Variants in RNF14 observed in about 807,000 individuals in gnomAD.
RNF14 encodes the protein ring finger protein 14, also known as E3 ubiquitin-protein ligase RNF14.
In RNF14, 26 loss-of-function variants were observed where a neutral mutation model predicts 52.6. The observed-to-expected ratio is 0.49, with a 90% CI of 0.36 to 0.69. The LOEUF is 0.69. RNF14 is among the 30% of genes least tolerant of loss of function. The pLI is 0.00. For missense variants in RNF14, 404 were observed against 560.4 expected (o/e 0.72, Z 2.82); for synonymous variants, 194 against 202.0 (o/e 0.96, Z 0.34).
Position 141,983,364 on chromosome 5 carries a change from C to T in RNF14, c.1064-16C>T. ...ACAAAGTTATATAAAAGTTAATTTT[C>T]CATTTCACTTTGTAGAGAAATTAAT... On this transcript the variant is annotated splice_polypyrimidine_tract_variant and intron_variant, in intron 6 of 8. Coordinates refer to ENST00000394520, the MANE Select transcript of RNF14 (RefSeq NM_004290.5). The T allele has an allele frequency of 6.3e-7, 1 of 1,598,706 alleles. No individual in the cohort carries two copies.
chr5:141,961,159 C>T (rs1753272108), intron 1 of RNF14, among the ~76,000 whole-genome samples: 1 of 151,968 alleles, frequency 6.6e-6, no homozygotes, highest in African/African-American at 2.4e-5. Flanking sequence ...CTTCAGAGGA[C>T]ATTGTTTTAT....
upstream of RNF14, chr5:141,955,786 G>A: frequency 2.5e-6 from 4 of 1,613,848 alleles, no homozygotes; most frequent in Non-Finnish European, 3.4e-6. This position sits in a 1 kb window ranked among gnomAD's most constrained non-coding sequence, Gnocchi z 5.5. Flanking sequence ...CCTCAACAGG[G>A]CTCGGGTCTG....
chr5:141,949,572 G>A, the RNF14 span: 2 of 1,613,590 alleles, frequency 1.2e-6, no homozygotes, highest in Non-Finnish European at 1.7e-6. Flanking sequence ...ATCTGTGTCT[G>A]GGATTGCACT....
chr5:141,986,154 A>G (rs1167540003), intron 8 of RNF14, among the ~76,000 whole-genome samples: 3 of 152,226 alleles, frequency 2.0e-5, no homozygotes, highest in Non-Finnish European at 4.4e-5. Flanking sequence ...GTTATTAGGA[A>G]GTAATCTGTG....
At chr5:141,956,322 A>G (rs750232682), upstream of RNF14, 30 of 1,614,226 alleles carry the variant, frequency 1.9e-5, no homozygotes, top group African/African-American at 2.7e-5. Context: ...TGTTGGAGTC[A>G]ATAGCTACTA....
At chr5:141,956,772 T>C, upstream of RNF14, 1 of 1,614,274 alleles carries the variant, frequency 6.2e-7, no homozygotes, top group Non-Finnish European at 8.5e-7. Flanking sequence ...ACACCAGTGA[T>C]GGCTGGGAGG....
upstream of RNF14, among the ~76,000 whole-genome samples, chr5:141,968,098 A>G (rs992578486): frequency 6.7e-6 from 1 of 149,810 alleles, no homozygotes; most frequent in African/African-American, 2.5e-5. Flanking sequence ...TAAAAACAAT[A>G]TATGGCTTTT....
rs752521061 is a variant in RNF14 at position 141,978,289 on chromosome 5, G to A, written c.307-14G>A. ...TTTCCAAACTCACCAACATCTTCATGTGTTTTCTCCTAGCTATCTGCTCTA... is the reference window on the plus strand; with the variant it reads ...TTTCCAAACTCACCAACATCTTCATATGTTTTCTCCTAGCTATCTGCTCTA... On this transcript the variant is annotated splice_polypyrimidine_tract_variant and intron_variant, in intron 4 of 8. Transcript: ENST00000394520. 4 of 1,546,348 alleles carry A rather than the reference G, an allele frequency of 2.6e-6. No individual in the cohort carries two copies. The highest frequency in any genetic ancestry group is 2.8e-5 in the African/African-American group (2 of 72,576).
chr5:141,954,763 C>T (rs987091025), upstream of RNF14, among the ~76,000 whole-genome samples: 5 of 152,210 alleles, frequency 3.3e-5, no homozygotes, highest in African/African-American at 1.2e-4. Context: ...AACTAAGGCC[C>T]AGAGACAGTA....
rs1227322466 is a variant in RNF14, at chr5:141,980,111, A to G, written c.835-12A>G. 6.2e-7 allele frequency: 1 copy of G among 1,609,720 alleles called. No homozygotes were observed. The highest frequency in any genetic ancestry group is 8.5e-7 in the Non-Finnish European group (1 of 1,176,158). On this transcript the variant is annotated splice_polypyrimidine_tract_variant and intron_variant, in intron 5 of 8. Transcript: ENST00000394520. ...AATCATCAAACCTATGGTGTTTTGT[A>G]TTTCCCTCCAGGTCAAAGAGTTAGT...
chr5:141,978,807 C>T lies in RNF14; in HGVS notation c.811C>T (p.Pro271Ser). The T allele has an allele frequency of 6.2e-7, 1 of 1,613,742 alleles. No homozygotes were observed. Among genetic ancestry groups the T allele is most frequent in the Non-Finnish European group, 8.5e-7 (1 of 1,179,690 alleles). ...CCTCAACTGCCCAGAACCAAAGTGC[C>T]CTTCGGTGGCCACTCCTGGTCAGGT... ...QCLNCPEPKC[P>S]SVATPGQVKE... Residue 271 changes from proline (P) to serine (S), a missense_variant, in exon 5 of 9, where the codon CCT (proline) becomes TCT (serine). Pro to Ser is a moderately conservative substitution (Grantham distance 74). Coordinates refer to ENST00000394520, the MANE Select transcript of RNF14 (RefSeq NM_004290.5).
chr5:141,970,710 G>A lies in RNF14; in HGVS notation c.-174G>A, dbSNP rs1374486031. On this transcript the variant is annotated 5_prime_UTR_variant, in exon 2 of 9. Coordinates refer to ENST00000394520, the MANE Select transcript of RNF14 (RefSeq NM_004290.5). Reference sequence around the variant, plus strand: ...TTGTATTTCTTTTCTGCAGATGGCAGGATTTTCATAATATATGTAGTATGA... The same window carrying A: ...TTGTATTTCTTTTCTGCAGATGGCAAGATTTTCATAATATATGTAGTATGA... The A allele has an allele frequency of 6.6e-6, 1 of 152,320 alleles. No individual in the cohort carries two copies. Among genetic ancestry groups the A allele is most frequent in the Non-Finnish European group, 1.5e-5 (1 of 68,044 alleles). 9.4% of individuals were successfully genotyped at this position (152,320 alleles called of 1,614,324 possible). A position where few individuals can be genotyped will look rare whatever the true frequency, so the allele number is the denominator to read the frequency against.
the RNF14 span, chr5:141,949,513 C>T: frequency 1.2e-6 from 2 of 1,614,186 alleles, no homozygotes; most frequent in South Asian, 1.1e-5. Flanking sequence ...TCCAAAGGCC[C>T]TTCCTCCTGT....
At chr5:141,957,543 G>C, upstream of RNF14, 1 of 1,614,220 alleles carries the variant, frequency 6.2e-7, no homozygotes, top group East Asian at 2.2e-5. The surrounding 1 kb of genome is among the most constrained non-coding windows in gnomAD (Gnocchi z 4.3). Flanking sequence ...AAACCAGGCA[G>C]GGATCCCACT....
chr5:141,981,299 ACTT>A (rs1754751933), intron 6 of RNF14, among the ~76,000 whole-genome samples: 1 of 152,232 alleles, frequency 6.6e-6, no homozygotes, highest in Non-Finnish European at 1.5e-5. Flanking sequence ...AAAAATTTAG[ACTT>A]TTTTTCATTT....
In RNF14 at chr5:141,988,522, C is replaced by T. The variant is rs1031451472; in HGVS notation, c.*732C>T. 3.9e-5 allele frequency: 6 copies of T among 152,318 alleles called. No homozygotes were observed. Among genetic ancestry groups the T allele is most frequent in the Admixed American group, 3.3e-4 (5 of 15,268 alleles). 9.4% of individuals were successfully genotyped at this position (152,318 alleles called of 1,614,324 possible). On this transcript the variant is annotated 3_prime_UTR_variant, in exon 9 of 9. Coordinates refer to ENST00000394520, the MANE Select transcript of RNF14 (RefSeq NM_004290.5). ...GGCTCAGAAGAATTTAAGTTCTATTCAGCCTTCCTGGGTGTTAGAACCTAG... is the reference window on the plus strand; with the variant it reads ...GGCTCAGAAGAATTTAAGTTCTATTTAGCCTTCCTGGGTGTTAGAACCTAG...
chr5:141,976,710 A>G (rs922424152), intron 4 of RNF14, among the ~76,000 whole-genome samples: 1 of 151,068 alleles, frequency 6.6e-6, no homozygotes, highest in Non-Finnish European at 1.5e-5. Context: ...TCCTCCCCCA[A>G]TATACTTACA....
upstream of RNF14, chr5:141,957,601 C>G (rs200573476): frequency 1.6e-4 from 257 of 1,614,210 alleles, no homozygotes; most frequent in Non-Finnish European, 1.9e-4. The surrounding 1 kb of genome is among the most constrained non-coding windows in gnomAD (Gnocchi z 4.3). Context: ...GCTGAGCAAG[C>G]CTTCCTCAGA....
Position 141,984,802 on chromosome 5 carries a change from G to A in RNF14, c.1237-1G>A. On this transcript the variant is annotated splice_acceptor_variant, in intron 7 of 8. Transcript: ENST00000394520. LOFTEE classifies it high-confidence loss of function. ...TTTTCTCTTTCTATCCTTCCCACCA[G>A]AAATTAGACGGATGTAACAAGATGA... 6.2e-7 allele frequency: 1 copy of A among 1,613,708 alleles called. No homozygotes were observed. Among genetic ancestry groups the A allele is most frequent in the Non-Finnish European group, 8.5e-7 (1 of 1,179,740 alleles).
Sources: gnomAD v4.1 joint callset for allele counts (sites outside exome capture counted in the v4.1 genomes callset) on GRCh38, gnomAD v4.1.1 for gene constraint, Gnocchi (gnomAD v3.1) non-coding constraint, MANE v1.5 for transcripts, NCBI Gene and HGNC (gene_info 2026-07-23, HGNC 2026-07-21) for gene names.